Variants in GRID2 observed in about 807,000 individuals in gnomAD.
The protein encoded by GRID2 is glutamate receptor ionotropic, delta-2.
Under a neutral mutation model 114.8 loss-of-function variants are expected in GRID2, and 33 were observed. The observed-to-expected ratio is 0.29, with a 90% CI of 0.22 to 0.38. The LOEUF (loss-of-function observed/expected upper bound fraction) is 0.38, where lower values mean the gene tolerates loss of function less well. Ranked by LOEUF, GRID2 falls within the 10% of genes least tolerant of loss-of-function variation. GRID2 has a pLI of 1.00. For synonymous variants in GRID2, 505 were observed against 449.9 expected, an observed-to-expected ratio of 1.12 and a Z score of -1.55; for missense variants, 1,184 against 1,257.7, an observed-to-expected ratio of 0.94 and a Z score of 0.89.
At chr4:93,046,303 A>C (rs1219017664) in intron 2 of GRID2, among the ~76,000 whole-genome samples, 3 of 152,072 alleles carry the variant, frequency 2.0e-5, no homozygotes, top group Non-Finnish European at 4.4e-5. Flanking sequence ...TTCTTCAGGC[A>C]TCTGGCATCT....
At chr4:93,125,072 G>C (rs1055652778) in intron 4 of GRID2, among the ~76,000 whole-genome samples, 4 of 151,984 alleles carry the variant, frequency 2.6e-5, no homozygotes, top group African/African-American at 9.7e-5. Flanking sequence ...GTAAGAGCTA[G>C]AGTATAGCCA....
rs201335750 is a variant in GRID2, at chr4:92,868,706, AGTGTGT to A, written c.245-216270_245-216265del. ...AGCAGAGGAAAACTACATTTTATGT[AGTGTGT>A]GTGTGTGTGTGTGTGTGTAGGATAA... is the stretch of plus-strand genomic sequence containing the variant. On this transcript the variant is annotated intron_variant, in intron 2 of 15. Transcript: ENST00000282020. Among the ~76,000 whole-genome samples, 210 of 148,500 alleles carry A rather than the reference AGTGTGT, an allele frequency of 1.4e-3. 1 individual carries two copies. Among genetic ancestry groups the A allele is most frequent in the Non-Finnish European group, 2.1e-3 (137 of 66,704 alleles).
intron 2 of GRID2, among the ~76,000 whole-genome samples, chr4:93,037,401 A>G (rs1025991937): frequency 6.6e-6 from 1 of 152,086 alleles, no homozygotes; most frequent in African/African-American, 2.4e-5. Context: ...CCTGCTCACT[A>G]TGATAATAGT....
intron 1 of GRID2, among the ~76,000 whole-genome samples, chr4:92,482,252 G>A (rs778903207): frequency 6.6e-5 from 10 of 151,486 alleles, no homozygotes; most frequent in Non-Finnish European, 1.2e-4. Flanking sequence ...ACTTATATGT[G>A]GGTGCTAAAC....
At chr4:93,688,961 T>C (rs2110110141) in intron 14 of GRID2, among the ~76,000 whole-genome samples, 2 of 152,172 alleles carry the variant, frequency 1.3e-5, no homozygotes, top group Middle Eastern at 6.8e-3. Flanking sequence ...TACTTCAGAA[T>C]ATGACTGTAT....
At chr4:92,492,244 C>A (rs750805424) in intron 1 of GRID2, among the ~76,000 whole-genome samples, 8 of 152,160 alleles carry the variant, frequency 5.3e-5, no homozygotes, top group Non-Finnish European at 1.2e-4. Context: ...CTCTACCGAA[C>A]TGTCAAGAGC....
At chr4:93,209,521 A>C (rs961821930) in intron 5 of GRID2, among the ~76,000 whole-genome samples, 1 of 152,066 alleles carries the variant, frequency 6.6e-6, no homozygotes, top group Non-Finnish European at 1.5e-5. Flanking sequence ...TGTTGATTCC[A>C]TGTCATTCCT....
At chr4:93,518,072 C>CAT (rs151188704) in intron 13 of GRID2, among the ~76,000 whole-genome samples, 40,386 of 137,548 alleles carry the variant, frequency 0.29, 7,305 homozygotes, top group African/African-American at 0.44. Context: ...ATAGTATATA[C>CAT]ATATATATAT....
intron 1 of GRID2, among the ~76,000 whole-genome samples, chr4:92,387,098 A>G (rs1284893656): frequency 6.6e-6 from 1 of 151,968 alleles, no homozygotes; most frequent in East Asian, 1.9e-4. Context: ...AACAGTTAAT[A>G]GAATTATCTG....
At chr4:92,753,062 T>G (rs1176759377) in intron 2 of GRID2, among the ~76,000 whole-genome samples, 1 of 152,162 alleles carries the variant, frequency 6.6e-6, no homozygotes, top group Admixed American at 6.5e-5. Flanking sequence ...TTTCTATATT[T>G]TACTGTTTCT....
chr4:93,788,875 A>G (rs1734642930), intron 1 of GRID2, among the ~76,000 whole-genome samples: 1 of 152,336 alleles, frequency 6.6e-6, no homozygotes, highest in South Asian at 2.1e-4. Flanking sequence ...CTGTTGAAAA[A>G]TGATCACATT....
At chr4:92,560,484 C>T (rs17019576) in intron 1 of GRID2, among the ~76,000 whole-genome samples, 32,398 of 152,040 alleles carry the variant, frequency 0.21, 3,796 homozygotes, top group South Asian at 0.29. Context: ...AAAGGGGAGA[C>T]TGAATATTAC....
chr4:92,927,342 C>G (rs985846573), intron 2 of GRID2, among the ~76,000 whole-genome samples: 53 of 151,788 alleles, frequency 3.5e-4, no homozygotes, highest in African/African-American at 1.3e-3. Context: ...CCTGCCAGTT[C>G]TATGGATGCT....
chr4:93,631,915 C>G (rs955072802), intron 14 of GRID2, among the ~76,000 whole-genome samples: 4 of 152,110 alleles, frequency 2.6e-5, no homozygotes, highest in African/African-American at 4.8e-5. Flanking sequence ...ATTCTAACTG[C>G]TGTGAGATGG....
chr4:93,410,880 G>A (rs1258243806), intron 9 of GRID2, among the ~76,000 whole-genome samples: 1 of 152,196 alleles, frequency 6.6e-6, no homozygotes, highest in Non-Finnish European at 1.5e-5. Context: ...ACAGTGCCCG[G>A]CCTCTCTATT....
At chr4:92,724,311 G>A (rs887422439) in intron 2 of GRID2, among the ~76,000 whole-genome samples, 13 of 152,092 alleles carry the variant, frequency 8.5e-5, no homozygotes, top group Middle Eastern at 3.4e-3. Context: ...ATCCTTCAGC[G>A]TCCACTCCCC....
chr4:93,385,101 T>C (rs1167404324), intron 8 of GRID2, among the ~76,000 whole-genome samples: 1 of 152,174 alleles, frequency 6.6e-6, no homozygotes, highest in Non-Finnish European at 1.5e-5. Flanking sequence ...TGATGATTCA[T>C]AGTTACCAAT....
At chr4:92,769,954 A>C (rs1738458385) in intron 2 of GRID2, among the ~76,000 whole-genome samples, 1 of 152,150 alleles carries the variant, frequency 6.6e-6, no homozygotes, top group Non-Finnish European at 1.5e-5. Flanking sequence ...TACTTATGCA[A>C]ATTTCTGCAG....
intron 4 of GRID2, among the ~76,000 whole-genome samples, chr4:93,186,507 C>T (rs890172334): frequency 6.6e-6 from 1 of 152,004 alleles, no homozygotes; most frequent in African/African-American, 2.4e-5. Context: ...AAAAAAGTGC[C>T]GTACATATAA....
Sources: allele counts gnomAD v4.1 joint callset (sites outside exome capture counted in the v4.1 genomes callset), GRCh38; gene constraint gnomAD v4.1.1; transcripts MANE v1.5; gene names NCBI Gene and HGNC (gene_info 2026-07-23, HGNC 2026-07-21).